The following MCTP1 variants were observed in gnomAD, a reference collection of about 807,000 sequenced individuals.
MCTP1 encodes the protein multiple C2 and transmembrane domain-containing protein 1.
A neutral mutation model predicts 120.6 loss-of-function variants in MCTP1; 69 were observed. The observed-to-expected ratio is 0.57, with a 90% CI of 0.47 to 0.70. The LOEUF (loss-of-function observed/expected upper bound fraction) is 0.70, where lower values mean the gene tolerates loss of function less well. Ranked by LOEUF, MCTP1 falls within the 30% of genes least tolerant of loss-of-function variation. The pLI is 0.00. For synonymous variants in MCTP1, 529 were observed against 493.1 expected, an observed-to-expected ratio of 1.07 and a Z score of -0.96; for missense variants, 1,203 against 1,248.8, an observed-to-expected ratio of 0.96 and a Z score of 0.55.
intron 1 of MCTP1, among the ~76,000 whole-genome samples, chr5:95,199,866 A>G (rs1029591089): frequency 5.6e-5 from 8 of 143,482 alleles, no homozygotes; most frequent in African/African-American, 1.0e-4. Context: ...GTCTCAAAAG[A>G]AAAAAAAAAA....
intron 1 of MCTP1, among the ~76,000 whole-genome samples, chr5:95,214,922 A>C (rs1190729630): frequency 6.6e-6 from 1 of 151,824 alleles, no homozygotes; most frequent in African/African-American, 2.4e-5. Flanking sequence ...GTAAATGACG[A>C]GTTAATGGAT....
rs546836084 is a variant in MCTP1 at position 94,862,999 on chromosome 5, A to G, written c.2436+5334T>C. On this transcript the variant is annotated intron_variant, in intron 17 of 22. Coordinates refer to ENST00000515393, the MANE Select transcript of MCTP1 (RefSeq NM_024717.7). ...ATCTTTTAAATCAGTGAAATTTTAT[A>G]TAGGTTTTCTTCTTCCCTTACTTGC... Among the ~76,000 whole-genome samples the G allele has an allele frequency of 2.6e-5, 4 of 151,946 alleles. No individual in the cohort carries two copies. The East Asian group carries it at 7.8e-4, about 30-fold the overall frequency.
At chr5:94,926,188 A>T (rs535007388) in intron 6 of MCTP1, among the ~76,000 whole-genome samples, 7 of 152,344 alleles carry the variant, frequency 4.6e-5, no homozygotes, top group Middle Eastern at 3.4e-3. Flanking sequence ...TTTTAAAATT[A>T]GTCGTAATGT....
chr5:94,954,425 G>A (rs571221083), intron 2 of MCTP1, among the ~76,000 whole-genome samples: 2 of 151,838 alleles, frequency 1.3e-5, no homozygotes, highest in East Asian at 2.0e-4. Flanking sequence ...TGGGAGAGGG[G>A]TGAAGAATGA....
chr5:94,797,084 A>T (rs1307154731), intron 18 of MCTP1, among the ~76,000 whole-genome samples: 1 of 152,210 alleles, frequency 6.6e-6, no homozygotes, highest in Non-Finnish European at 1.5e-5. Context: ...TGCAAAAATT[A>T]TATGATATGC....
chr5:94,847,674 G>GTA (rs1741710624), intron 17 of MCTP1, among the ~76,000 whole-genome samples: 3 of 138,506 alleles, frequency 2.2e-5, no homozygotes, highest in Non-Finnish European at 3.0e-5. Flanking sequence ...GTGTGTGTGT[G>GTA]TGTGTGTGTA....
chr5:94,940,367 C>T (rs956255323), intron 4 of MCTP1, among the ~76,000 whole-genome samples, 172 bp from the exon 5 acceptor site: 3 of 150,930 alleles, frequency 2.0e-5, no homozygotes, highest in African/African-American at 4.9e-5. Flanking sequence ...CAATAAACTG[C>T]GTGTAGATCT....
chr5:94,882,727 C>T (rs1800391479), intron 12 of MCTP1, among the ~76,000 whole-genome samples: 1 of 152,120 alleles, frequency 6.6e-6, no homozygotes, highest in East Asian at 1.9e-4. Flanking sequence ...TTCTCTTTCC[C>T]TCATTTCCCA....
chr5:95,014,905 C>T (rs1393152992), intron 2 of MCTP1, among the ~76,000 whole-genome samples: 1 of 152,126 alleles, frequency 6.6e-6, no homozygotes, highest in East Asian at 1.9e-4. Context: ...GAAATTGCCA[C>T]AGCCACTCCA....
At chr5:95,169,143 T>G (rs541396996) in intron 1 of MCTP1, among the ~76,000 whole-genome samples, 1 of 152,142 alleles carries the variant, frequency 6.6e-6, no homozygotes, top group Admixed American at 6.6e-5. Flanking sequence ...TTCTGCATCT[T>G]TTGAGATAAT....
intron 1 of MCTP1, among the ~76,000 whole-genome samples, chr5:95,234,482 A>G (rs1189840940): frequency 2.0e-5 from 3 of 152,170 alleles, no homozygotes; most frequent in Non-Finnish European, 4.4e-5. Flanking sequence ...TAGTTCAGAT[A>G]CCAGTACAAG....
At chr5:95,218,916 T>C (rs1046265687) in intron 1 of MCTP1, among the ~76,000 whole-genome samples, 6 of 152,178 alleles carry the variant, frequency 3.9e-5, no homozygotes, top group Admixed American at 2.0e-4. Context: ...CTGTAAAATA[T>C]AGTATTATAA....
At chr5:95,057,894 A>C (rs749102090) in intron 1 of MCTP1, among the ~76,000 whole-genome samples, 3 of 152,214 alleles carry the variant, frequency 2.0e-5, no homozygotes, top group Non-Finnish European at 4.4e-5. Context: ...GCATCCTCTG[A>C]ACAACATTTA....
At chr5:95,010,217 T>G (rs534075484) in intron 2 of MCTP1, among the ~76,000 whole-genome samples, 25 of 152,222 alleles carry the variant, frequency 1.6e-4, no homozygotes, top group South Asian at 6.2e-4. Flanking sequence ...CTTAAAACCT[T>G]AATAGTTATT....
intron 17 of MCTP1, among the ~76,000 whole-genome samples, chr5:94,813,769 C>T (rs989778019): frequency 6.6e-6 from 1 of 151,918 alleles, no homozygotes; most frequent in Admixed American, 6.6e-5. Flanking sequence ...ACACCTGTCA[C>T]TTGAGTTTGG....
chr5:95,252,272 G>C (rs1478359977), intron 1 of MCTP1, among the ~76,000 whole-genome samples: 1 of 152,078 alleles, frequency 6.6e-6, no homozygotes, highest in Admixed American at 6.6e-5. Flanking sequence ...CTCTATGACA[G>C]AAGGTAATTT....
At chr5:94,875,974 A>T (rs1798787793) in intron 12 of MCTP1, among the ~76,000 whole-genome samples, 1 of 152,142 alleles carries the variant, frequency 6.6e-6, no homozygotes, top group South Asian at 2.1e-4. Flanking sequence ...TTATTTAGGA[A>T]GTATCCTCCT....
At chr5:95,184,916 C>T (rs540293096) in intron 1 of MCTP1, among the ~76,000 whole-genome samples, 2 of 152,262 alleles carry the variant, frequency 1.3e-5, no homozygotes, top group African/African-American at 4.8e-5. Context: ...TCCAACCTGA[C>T]CAATCAGCAT....
At chr5:94,738,165 C>G in intron 19 of MCTP1, among the ~76,000 whole-genome samples, 1 of 152,132 alleles carries the variant, frequency 6.6e-6, no homozygotes, top group South Asian at 2.1e-4. Context: ...ATGGATAACC[C>G]TCATCTTCTA....
Sources: allele counts gnomAD v4.1 joint callset (sites outside exome capture counted in the v4.1 genomes callset), GRCh38; gene constraint gnomAD v4.1.1; transcripts MANE v1.5; gene names NCBI Gene and HGNC (gene_info 2026-07-23, HGNC 2026-07-21).